Variants in ATE1 observed in about 807,000 individuals in gnomAD.
ATE1 encodes arginyltransferase 1, also known as arginyl-tRNA--protein transferase 1.
A neutral mutation model predicts 70.5 loss-of-function variants in ATE1; 36 were observed. That is an observed-to-expected ratio of 0.51 (90% CI 0.39 to 0.67). The LOEUF (loss-of-function observed/expected upper bound fraction) is 0.67, where lower values mean the gene tolerates loss of function less well. Ranked by LOEUF, ATE1 falls within the 30% of genes least tolerant of loss-of-function variation. ATE1 has a pLI of 0.00. For synonymous variants in ATE1, 232 were observed against 219.3 expected (o/e 1.06, Z -0.51); for missense variants, 593 against 629.5 (o/e 0.94, Z 0.62).
At chr10:121,748,052 C>T (rs1485550678) in intron 11 of ATE1, among the ~76,000 whole-genome samples, 3 of 152,118 alleles carry the variant, frequency 2.0e-5, no homozygotes, top group Non-Finnish European at 4.4e-5. Flanking sequence ...GCAGCAAGAA[C>T]AATGGCAAAA....
intron 10 of ATE1, among the ~76,000 whole-genome samples, chr10:121,831,918 G>C (rs1037333311): frequency 1.3e-5 from 2 of 152,156 alleles, no homozygotes; most frequent in African/African-American, 4.8e-5. Flanking sequence ...TTTAAAAACA[G>C]GAATGAAGTG....
intron 11 of ATE1, among the ~76,000 whole-genome samples, chr10:121,758,470 C>A (rs1590221563): frequency 1.3e-5 from 2 of 152,158 alleles, no homozygotes; most frequent in Non-Finnish European, 2.9e-5. Context: ...CTGAAAATTT[C>A]CTGGAGCATA....
At chr10:121,924,433 G>A in intron 1 of ATE1, 104 bp from the exon 2 acceptor site, 4 of 1,077,728 alleles carry the variant, frequency 3.7e-6, no homozygotes, top group African/African-American at 1.6e-5. Context: ...GGGCACGGTG[G>A]CTCATGCCTG....
At chr10:121,870,274 T>C (rs889551349) in intron 7 of ATE1, among the ~76,000 whole-genome samples, 13 of 152,190 alleles carry the variant, frequency 8.5e-5, no homozygotes, top group East Asian at 1.9e-4. Flanking sequence ...AAAATCTATA[T>C]AAAAGCACAT....
intron 11 of ATE1, among the ~76,000 whole-genome samples, chr10:121,777,271 T>TC (rs1945787210): frequency 6.6e-6 from 1 of 152,208 alleles, no homozygotes; most frequent in South Asian, 2.1e-4. Flanking sequence ...ACAGCAATGG[T>TC]CAAGTATTAG....
chr10:121,812,100 C>T (rs1947346344), intron 10 of ATE1, among the ~76,000 whole-genome samples: 1 of 151,878 alleles, frequency 6.6e-6, no homozygotes, highest in African/African-American at 2.4e-5. Context: ...GGACTACAGG[C>T]ATGAGACACC....
intron 10 of ATE1, among the ~76,000 whole-genome samples, chr10:121,804,282 C>T (rs1947007226): frequency 6.6e-6 from 1 of 152,124 alleles, no homozygotes; most frequent in African/African-American, 2.4e-5. Context: ...ACCCTTAGTT[C>T]TTCATTCAAT....
Position 121,878,297 on chromosome 10 carries a change from A to G in ATE1, c.943-8259T>C, listed in dbSNP as rs114869632. Among the ~76,000 whole-genome samples, 384 of 152,300 alleles carry G rather than the reference A, an allele frequency of 2.5e-3. 1 individual carries two copies. The highest frequency in any genetic ancestry group is 8.9e-3 in the African/African-American group (369 of 41,576). ...GAGCAGTGACTATAAGAGCATATAC[A>G]TAAGTAAAAATTTGGCCAGGCGTGT... On this transcript the variant is annotated intron_variant, in intron 7 of 11. Coordinates refer to ENST00000224652, the MANE Select transcript of ATE1 (RefSeq NM_001001976.3).
chr10:121,857,765 G>A (rs983495636), intron 8 of ATE1, among the ~76,000 whole-genome samples: 9 of 152,114 alleles, frequency 5.9e-5, no homozygotes, highest in African/African-American at 2.2e-4. Flanking sequence ...ACATTATCAT[G>A]TAACTACCCA....
At chr10:121,845,835 T>G (rs1948798522) in intron 8 of ATE1, among the ~76,000 whole-genome samples, 1 of 152,196 alleles carries the variant, frequency 6.6e-6, no homozygotes, top group South Asian at 2.1e-4. Context: ...TTTAGCTTAG[T>G]ATAGATGCAC....
chr10:121,906,552 A>ATAAAAT (rs1458098241), intron 5 of ATE1, among the ~76,000 whole-genome samples: 1 of 149,972 alleles, frequency 6.7e-6, no homozygotes. Flanking sequence ...ATAAAATAAA[A>ATAAAAT]AGGAAATGCA....
chr10:121,824,869 T>C (rs1947943868), intron 10 of ATE1, among the ~76,000 whole-genome samples: 1 of 151,498 alleles, frequency 6.6e-6, no homozygotes, highest in African/African-American at 2.4e-5. Flanking sequence ...CATTTTGAAA[T>C]GAGAAGGGGT....
chr10:121,915,759 C>T (rs993745631), intron 3 of ATE1, among the ~76,000 whole-genome samples: 3 of 151,376 alleles, frequency 2.0e-5, no homozygotes, highest in Non-Finnish European at 2.9e-5. Context: ...GGCGTGGTGG[C>T]GGGCACCTGT....
rs1365152537 is a variant in ATE1 at position 121,741,156 on chromosome 10, G to A, written c.*2524C>T. On this transcript the variant is annotated 3_prime_UTR_variant, in exon 12 of 12. Coordinates refer to ENST00000224652, the MANE Select transcript of ATE1 (RefSeq NM_001001976.3). ...TGTGTCTTTCTTTACAGAAAGTTAC[G>A]AACATAAAATCAGATCTCTCAGCTA... The A allele has an allele frequency of 6.6e-6, 1 of 152,108 alleles. No homozygotes were observed. The highest frequency in any genetic ancestry group is 2.4e-5 in the African/African-American group (1 of 41,428). The allele number at this position is 152,108 out of a possible 1,614,324, so 9.4% of individuals were successfully genotyped here.
At chr10:121,926,668 T>A in intron 1 of ATE1, 12 of 931,880 alleles carry the variant, frequency 1.3e-5, no homozygotes, top group Non-Finnish European at 1.4e-5. Flanking sequence ...ATAAATATTA[T>A]AGCCAAAATA....
chr10:121,784,553 T>TAA (rs1175458893), intron 11 of ATE1, among the ~76,000 whole-genome samples: 2 of 151,062 alleles, frequency 1.3e-5, no homozygotes, highest in African/African-American at 4.9e-5. Flanking sequence ...AATAAGTGGC[T>TAA]AAAAAAAAAT....
intron 5 of ATE1, among the ~76,000 whole-genome samples, chr10:121,907,426 T>C (rs142972374): frequency 0.015 from 2,300 of 150,808 alleles, 27 homozygotes; most frequent in South Asian, 0.04. Context: ...GATAGCGCCA[T>C]TGCACTCCAG....
chr10:121,754,966 A>G (rs1944734033), intron 11 of ATE1, among the ~76,000 whole-genome samples: 1 of 152,208 alleles, frequency 6.6e-6, no homozygotes, highest in Non-Finnish European at 1.5e-5. Context: ...TACTTGATGA[A>G]CACAAATGAA....
At chr10:121,764,283 T>A (rs1426512532) in intron 11 of ATE1, among the ~76,000 whole-genome samples, 1 of 151,980 alleles carries the variant, frequency 6.6e-6, no homozygotes, top group Non-Finnish European at 1.5e-5. Flanking sequence ...ATAATGAGAA[T>A]GTTCTACACT....
Sources: gnomAD v4.1 joint callset for allele counts (sites outside exome capture counted in the v4.1 genomes callset) on GRCh38, gnomAD v4.1.1 for gene constraint, MANE v1.5 for transcripts, NCBI Gene and HGNC (gene_info 2026-07-23, HGNC 2026-07-21) for gene names.